PDE8A: variants seen among roughly 807,000 people sequenced by gnomAD.
The protein encoded by PDE8A is high affinity cAMP-specific and IBMX-insensitive 3',5'-cyclic phosphodiesterase 8A.
Under a neutral mutation model 105.0 loss-of-function variants are expected in PDE8A, and 59 were observed. The observed-to-expected ratio is 0.56, with a 90% CI of 0.46 to 0.70. The LOEUF is 0.70. Ranked by LOEUF, PDE8A falls within the 30% of genes least tolerant of loss-of-function variation. The probability of loss-of-function intolerance (pLI) is 0.00; values close to 1 mark genes in which losing one functional copy is unlikely to be tolerated. For missense variants in PDE8A, 1,014 were observed against 1,045.9 expected, an observed-to-expected ratio of 0.97 and a Z score of 0.42; for synonymous variants, 355 against 371.9, an observed-to-expected ratio of 0.95 and a Z score of 0.52.
intron 1 of PDE8A, among the ~76,000 whole-genome samples, chr15:85,044,753 G>A (rs978583406): frequency 6.6e-6 from 1 of 152,196 alleles, no homozygotes; most frequent in African/African-American, 2.4e-5. Context: ...TATTGGCCTT[G>A]CCTCTACTCT....
In PDE8A at chr15:85,136,504, G is replaced by C. The variant is rs760287116; in HGVS notation, c.2254-30G>C. 3.1e-6 allele frequency: 5 copies of C among 1,600,378 alleles called. No individual in the cohort carries two copies. In the South Asian group the frequency reaches 4.5e-5, roughly 14 times the overall value. On this transcript the variant is annotated intron_variant, in intron 20 of 21. Transcript: ENST00000394553. ...TAGGTGGAGTGGAACCAGATGTTGG[G>C]GTCTCCTGATCACATTTTCTGCTTT...
intron 1 of PDE8A, chr15:85,063,233 C>T (rs1393810693): frequency 2.0e-5 from 3 of 152,130 alleles, no homozygotes; most frequent in Non-Finnish European, 2.9e-5. Context: ...AAGCAAACTT[C>T]GTAATGTGTT....
At chr15:85,095,976 A>G (rs2081743495) in intron 8 of PDE8A, among the ~76,000 whole-genome samples, 1 of 151,670 alleles carries the variant, frequency 6.6e-6, no homozygotes, top group African/African-American at 2.4e-5. Context: ...CCTAGGTTCA[A>G]GCGATTCTCC....
chr15:85,089,477 G>A, intron 7 of PDE8A, 61 bp downstream of exon 7: 1 of 883,478 alleles, frequency 1.1e-6, no homozygotes, highest in Non-Finnish European at 1.8e-6. Flanking sequence ...CAACTTTTAG[G>A]ATTGAACCTC....
chr15:85,033,442 G>C (rs2080649416), intron 1 of PDE8A, among the ~76,000 whole-genome samples: 1 of 152,034 alleles, frequency 6.6e-6, no homozygotes, highest in Non-Finnish European at 1.5e-5. Flanking sequence ...TTGGTTGATG[G>C]GGGAGAGAGG....
chr15:84,998,220 G>T (rs1385333725), intron 1 of PDE8A, among the ~76,000 whole-genome samples: 2 of 152,174 alleles, frequency 1.3e-5, no homozygotes, highest in Non-Finnish European at 2.9e-5. Flanking sequence ...TGAGACAGGT[G>T]CAAGATCACA....
chr15:85,067,024 T>C lies in PDE8A; in HGVS notation c.254T>C (p.Val85Ala), dbSNP rs1484949608. The change falls in exon 3 of 22, where the codon GTG (valine) becomes GCG (alanine). Residue 85 changes from valine to alanine, a missense_variant. Coordinates refer to ENST00000394553, the MANE Select transcript of PDE8A (RefSeq NM_002605.3). The stretch of plus-strand genomic sequence containing the variant: ...GCTCTTTTGATTCAGGTACTTTTAG[T>C]GTTTACCAAAGAAGATAACCAATGT... Reference protein sequence around the residue: ...FHQDQLQVLLVFTKEDNQCNG... With the variant: ...FHQDQLQVLLAFTKEDNQCNG... 1 of 1,600,352 alleles carries C rather than the reference T, an allele frequency of 6.2e-7. No homozygotes were observed. Among genetic ancestry groups the C allele is most frequent in the Non-Finnish European group, 8.5e-7 (1 of 1,173,928 alleles).
In PDE8A at chr15:85,138,631, T is replaced by TA. The variant is rs1413719988; in HGVS notation, c.*731dup. 6.6e-6 allele frequency: 1 copy of TA among 152,510 alleles called. No homozygotes were observed. Among genetic ancestry groups the TA allele is most frequent in the Non-Finnish European group, 1.5e-5 (1 of 68,024 alleles). 9.4% of individuals were successfully genotyped at this position (152,510 alleles called of 1,614,324 possible). A position where few individuals can be genotyped will look rare whatever the true frequency, so the allele number is the denominator to read the frequency against. On this transcript the variant is annotated 3_prime_UTR_variant, in exon 22 of 22. Coordinates refer to ENST00000394553, the MANE Select transcript of PDE8A (RefSeq NM_002605.3). ...GCACTATAGAAATATTCATGTATGTTAAACTTTTCTGATTGAGGCTAACTG... is the reference window on the plus strand; with the variant it reads ...GCACTATAGAAATATTCATGTATGTTAAAACTTTTCTGATTGAGGCTAACTG...
intron 3 of PDE8A, among the ~76,000 whole-genome samples, chr15:85,068,000 T>C (rs1431524067): frequency 6.6e-6 from 1 of 152,100 alleles, no homozygotes; most frequent in East Asian, 1.9e-4. Context: ...TCTGTTTCAA[T>C]CTGCATGACT....
chr15:85,053,967 C>G lies in PDE8A; in HGVS notation c.187-10403C>G, dbSNP rs544483138. ...TTGGCTGTGGGTTTGTCATAAATAG[C>G]CCTTATTATTTTGAGATATGTCCCA... On this transcript the variant is annotated intron_variant, in intron 1 of 21. Coordinates refer to ENST00000394553, the MANE Select transcript of PDE8A (RefSeq NM_002605.3). Among the ~76,000 whole-genome samples the G allele has an allele frequency of 3.0e-3, 453 of 152,314 alleles. 1 individual carries two copies. The highest frequency in any genetic ancestry group is 0.01 in the African/African-American group (425 of 41,554).
At chr15:85,024,941 A>G (rs1037874246) in intron 1 of PDE8A, among the ~76,000 whole-genome samples, 2 of 152,228 alleles carry the variant, frequency 1.3e-5, no homozygotes, top group Non-Finnish European at 2.9e-5. Context: ...ATCTGTGTGC[A>G]TTACACATTA....
At chr15:85,106,218 T>A (rs1420398680) in intron 11 of PDE8A, among the ~76,000 whole-genome samples, 1 of 152,100 alleles carries the variant, frequency 6.6e-6, no homozygotes, top group East Asian at 1.9e-4. Context: ...CTGGAAATGC[T>A]GTCGTCCTCC....
intron 1 of PDE8A, 68 bp downstream of exon 1, chr15:84,982,416 A>AGGGGCCGGGCG: frequency 9.1e-7 from 1 of 1,104,424 alleles, no homozygotes; most frequent in Non-Finnish European, 1.2e-6. Context: ...ACTTTCCCGC[A>AGGGGCCGGGCG]GGGGCCGGGC....
chr15:85,050,870 G>A (rs1210528266), intron 1 of PDE8A, among the ~76,000 whole-genome samples: 2 of 152,132 alleles, frequency 1.3e-5, no homozygotes, highest in East Asian at 3.8e-4. Context: ...TTTTGGTAAG[G>A]ATTGCATTGA....
chr15:85,027,155 G>T (rs908420886), intron 1 of PDE8A, among the ~76,000 whole-genome samples: 2 of 152,164 alleles, frequency 1.3e-5, no homozygotes, highest in Non-Finnish European at 2.9e-5. Flanking sequence ...TGAAGGCCTT[G>T]TTGGACTGTG....
intron 1 of PDE8A, among the ~76,000 whole-genome samples, chr15:85,035,532 T>G (rs2080692050): frequency 6.6e-6 from 1 of 152,174 alleles, no homozygotes; most frequent in South Asian, 2.1e-4. Flanking sequence ...TTTAAAGTGA[T>G]TTTCTTTTTC....
At chr15:84,990,489 T>G (rs1433464546) in intron 1 of PDE8A, among the ~76,000 whole-genome samples, 1 of 152,266 alleles carries the variant, frequency 6.6e-6, no homozygotes, top group Non-Finnish European at 1.5e-5. Context: ...TTACAGTCTA[T>G]TCTTTTTTTA....
intron 1 of PDE8A, among the ~76,000 whole-genome samples, chr15:85,018,250 T>G (rs974064028): frequency 3.9e-5 from 6 of 152,170 alleles, no homozygotes; most frequent in Non-Finnish European, 8.8e-5. Flanking sequence ...TGGTACTAAT[T>G]AAAATAGTCA....
rs112192658 is a variant in PDE8A at position 85,071,129 on chromosome 15, C to T, written c.434+3925C>T. On this transcript the variant is annotated intron_variant, in intron 3 of 21. Coordinates refer to ENST00000394553, the MANE Select transcript of PDE8A (RefSeq NM_002605.3). The stretch of plus-strand genomic sequence containing the variant: ...GGAATCTCTACTGTATCTGTCGTAC[C>T]GTGGAGACTAATAAAGAAGCCTGTT... Among the ~76,000 whole-genome samples the T allele has an allele frequency of 7.6e-3, 1,151 of 152,246 alleles. 19 individuals carry two copies. Among genetic ancestry groups the T allele is most frequent in the African/African-American group, 0.026 (1,081 of 41,540 alleles).
Sources: gnomAD v4.1 joint callset for allele counts (sites outside exome capture counted in the v4.1 genomes callset) on GRCh38, gnomAD v4.1.1 for gene constraint, MANE v1.5 for transcripts, NCBI Gene and HGNC (gene_info 2026-07-23, HGNC 2026-07-21) for gene names.